Variants in PIAS1 observed in about 807,000 individuals in gnomAD.
PIAS1 encodes the protein E3 SUMO-protein ligase PIAS1.
In PIAS1, 6 loss-of-function variants were observed where a neutral mutation model predicts 71.3. The observed-to-expected ratio is 0.08, with a 90% confidence interval of 0.05 to 0.17. PIAS1 has a LOEUF of 0.17. PIAS1 is among the 10% of genes least tolerant of loss of function. The pLI is 1.00. For synonymous variants in PIAS1, 303 were observed against 292.9 expected (o/e 1.03, Z -0.35); for missense variants, 555 against 793.6 (o/e 0.70, Z 3.61).
chr15:68,100,364 C>A (rs2092412815), intron 2 of PIAS1, among the ~76,000 whole-genome samples: 1 of 152,154 alleles, frequency 6.6e-6, no homozygotes, highest in Non-Finnish European at 1.5e-5. Flanking sequence ...ATAAAAGATA[C>A]CTAACTGTCC....
chr15:68,103,904 G>A (rs2092449046), intron 2 of PIAS1, among the ~76,000 whole-genome samples: 1 of 152,132 alleles, frequency 6.6e-6, no homozygotes, highest in Non-Finnish European at 1.5e-5. Flanking sequence ...GAATATTCGT[G>A]TATAATTTTT....
In PIAS1 at chr15:68,054,446, G is replaced by A. The variant is rs2091872075; in HGVS notation, c.24+96G>A. The A allele has an allele frequency of 1.5e-6, 2 of 1,317,090 alleles. No homozygotes were observed. Among genetic ancestry groups the A allele is most frequent in the African/African-American group, 1.5e-5 (1 of 67,524 alleles). The allele number at this position is 1,317,090 out of a possible 1,614,324, so 81.6% of individuals were successfully genotyped here. A position where few individuals can be genotyped will look rare whatever the true frequency, so the allele number is the denominator to read the frequency against. ...GGTCCGACCCTGGGGGGCCTCTCGG[G>A]CCTGACTCCACCCGGGCCTGGAGTT... On this transcript the variant is annotated intron_variant, in intron 1 of 13. Transcript: ENST00000249636. This position sits in a 1 kb window ranked among gnomAD's most constrained non-coding sequence, Gnocchi z 4.6.
intron 2 of PIAS1, among the ~76,000 whole-genome samples, chr15:68,111,077 C>T (rs2092519643): frequency 6.6e-6 from 1 of 152,170 alleles, no homozygotes; most frequent in African/African-American, 2.4e-5. Context: ...TCTTAGTCCC[C>T]ATACTCCATA....
At chr15:68,128,058 C>T (rs1187532073) in intron 2 of PIAS1, among the ~76,000 whole-genome samples, 1 of 152,142 alleles carries the variant, frequency 6.6e-6, no homozygotes, top group Non-Finnish European at 1.5e-5. Flanking sequence ...AGCTACCATG[C>T]CTGGCCTTTT....
chr15:68,083,970 C>T (rs542435857), intron 1 of PIAS1, among the ~76,000 whole-genome samples: 1 of 152,186 alleles, frequency 6.6e-6, no homozygotes, highest in African/African-American at 2.4e-5. Context: ...CTCTTTGTTT[C>T]AGAGAGAGAC....
intron 2 of PIAS1, among the ~76,000 whole-genome samples, chr15:68,132,469 T>C (rs1286970500): frequency 6.6e-6 from 1 of 151,626 alleles, no homozygotes; most frequent in Non-Finnish European, 1.5e-5. Flanking sequence ...AGTGAGACTC[T>C]GTCTCTAAAA....
intron 13 of PIAS1, chr15:68,183,922 A>G: frequency 3.6e-6 from 1 of 277,300 alleles, no homozygotes. Context: ...AATTATGTAC[A>G]ATATAACGAT....
intron 1 of PIAS1, among the ~76,000 whole-genome samples, chr15:68,057,795 G>A (rs1048446129): frequency 2.0e-5 from 3 of 152,148 alleles, no homozygotes; most frequent in African/African-American, 7.2e-5. Context: ...TTTATCAACA[G>A]TATTTTAAAA....
At position 68,089,204 on chromosome 15, in the gene PIAS1, G is replaced by A. The variant is rs117373314; in HGVS notation, c.469+2454G>A. 6.4e-3 allele frequency among the ~76,000 whole-genome samples: 972 copies of A among 152,162 alleles called. 7 individuals carry two copies. Among genetic ancestry groups the A allele is most frequent in the East Asian group, 0.036 (185 of 5,180 alleles). On this transcript the variant is annotated intron_variant, in intron 2 of 13. Transcript: ENST00000249636. ...GTTCTGATAATTCCCATTTTATTAG[G>A]TAATTCTCATTCATTCTTACGATCA... is the stretch of plus-strand genomic sequence containing the variant.
At chr15:68,069,138 C>G (rs2092064261) in intron 1 of PIAS1, among the ~76,000 whole-genome samples, 1 of 152,010 alleles carries the variant, frequency 6.6e-6, no homozygotes, top group Non-Finnish European at 1.5e-5. Flanking sequence ...TCGTGATCCG[C>G]CCACCTCAGC....
intron 2 of PIAS1, among the ~76,000 whole-genome samples, chr15:68,129,964 C>T (rs1020122845): frequency 6.6e-5 from 10 of 151,770 alleles, no homozygotes; most frequent in Non-Finnish European, 7.4e-5. Flanking sequence ...ATTTTGTAAT[C>T]TCTTGTGGTT....
chr15:68,190,658 A>G lies in PIAS1; in HGVS notation c.*2823A>G, dbSNP rs2093115096. ...GTACTGTGTGTGTGTGTGTGTATAT[A>G]TATATACATCTGTATGCACACATCT... On this transcript the variant is annotated 3_prime_UTR_variant, in exon 14 of 14. Transcript: ENST00000249636. This position sits in a 1 kb window ranked among gnomAD's most constrained non-coding sequence, Gnocchi z 4.7. 6.6e-6 allele frequency: 1 copy of G among 151,942 alleles called. No homozygotes were observed. Among genetic ancestry groups the G allele is most frequent in the Non-Finnish European group, 1.5e-5 (1 of 68,000 alleles). The allele number at this position is 151,942 out of a possible 1,614,324, so 9.4% of individuals were successfully genotyped here.
At position 68,091,855 on chromosome 15, in the gene PIAS1, G is replaced by C. The variant is rs573791900; in HGVS notation, c.469+5105G>C. 9.2e-5 allele frequency among the ~76,000 whole-genome samples: 14 copies of C among 152,284 alleles called. No individual in the cohort carries two copies. In the East Asian group the frequency reaches 2.7e-3, roughly 29 times the overall value. On this transcript the variant is annotated intron_variant, in intron 2 of 13. Coordinates refer to ENST00000249636, the MANE Select transcript of PIAS1 (RefSeq NM_016166.3). ...GAATATCGTACTGAAGTGAAAAACA[G>C]AATGGTTTTGTTACCAACAGAATGG...
intron 2 of PIAS1, among the ~76,000 whole-genome samples, chr15:68,141,056 C>T (rs1259006554): frequency 6.6e-6 from 1 of 152,032 alleles, no homozygotes. Context: ...TACTAAAAGC[C>T]AATGGATGTG....
chr15:68,066,497 G>T (rs2092028507), intron 1 of PIAS1, among the ~76,000 whole-genome samples: 1 of 152,170 alleles, frequency 6.6e-6, no homozygotes, highest in Admixed American at 6.5e-5. Context: ...TTCCTCTCCA[G>T]CAGAGCTTAG....
At chr15:68,148,041 A>C (rs577644399) in intron 6 of PIAS1, among the ~76,000 whole-genome samples, 17 of 152,288 alleles carry the variant, frequency 1.1e-4, no homozygotes, top group African/African-American at 4.1e-4. Context: ...GTTCATTTTC[A>C]TGAGGCCTGT....
chr15:68,162,935 T>C (rs1381284334), intron 7 of PIAS1, among the ~76,000 whole-genome samples: 2 of 152,236 alleles, frequency 1.3e-5, no homozygotes, highest in East Asian at 3.8e-4. Flanking sequence ...TCTGCCTTTT[T>C]GTTCTTTCCA....
At chr15:68,175,937 C>A (rs536107805) in intron 10 of PIAS1, among the ~76,000 whole-genome samples, 170 bp downstream of exon 10, 1 of 152,146 alleles carries the variant, frequency 6.6e-6, no homozygotes, top group African/African-American at 2.4e-5. Context: ...CTTTTAAATT[C>A]ACTTTTTTGC....
At chr15:68,100,886 G>T (rs930452483) in intron 2 of PIAS1, among the ~76,000 whole-genome samples, 10 of 108,742 alleles carry the variant, frequency 9.2e-5, no homozygotes, top group African/African-American at 3.6e-4. Flanking sequence ...GTGTTTTGTT[G>T]TTGTTTTTGT....
Sources: gnomAD v4.1 joint callset for allele counts (sites outside exome capture counted in the v4.1 genomes callset) on GRCh38, gnomAD v4.1.1 for gene constraint, Gnocchi (gnomAD v3.1) non-coding constraint, MANE v1.5 for transcripts, NCBI Gene and HGNC (gene_info 2026-07-23, HGNC 2026-07-21) for gene names.